SPTA1: variants seen among roughly 807,000 people sequenced by gnomAD.
SPTA1 encodes the protein spectrin alpha chain, erythrocytic 1.
Under a neutral mutation model 324.7 loss-of-function variants are expected in SPTA1, and 177 were observed. The ratio of observed to expected loss-of-function variants is 0.55; its 90% CI spans 0.48 to 0.62. The LOEUF (loss-of-function observed/expected upper bound fraction) is 0.62, where lower values mean the gene tolerates loss of function less well. Among genes scored for constraint, SPTA1 ranks in the 20% least tolerant of loss-of-function variants. The pLI is 0.00. For missense variants in SPTA1, 3,162 were observed against 2,883.6 expected, an observed-to-expected ratio of 1.10 and a Z score of -2.21; for synonymous variants, 1,195 against 1,041.3, an observed-to-expected ratio of 1.15 and a Z score of -2.84.
In SPTA1 at chr1:158,677,733, C is replaced by T. The variant is rs1374818985; in HGVS notation, c.914G>A (p.Ser305Asn). The change falls in exon 7 of 52, where the codon AGT (serine) becomes AAT (asparagine). Residue 305 changes from serine to asparagine, a missense_variant. Physicochemically the swap from Ser to Asn is conservative, Grantham distance 46 (BLOSUM62 1). Transcript: ENST00000643759. ...DLVASEGLFHSHKGLERNLAV... is the reference protein window; with the variant it reads ...DLVASEGLFHNHKGLERNLAV... ...AAGATTTCTCTCAAGTCCCTTGTGACTGTGAAACAGTCCTTCAGAGGCAAC... is the reference window on the plus strand; with the variant it reads ...AAGATTTCTCTCAAGTCCCTTGTGATTGTGAAACAGTCCTTCAGAGGCAAC... The T allele has an allele frequency of 6.2e-7, 1 of 1,613,666 alleles. No individual in the cohort carries two copies. The highest frequency in any genetic ancestry group is 8.5e-7 in the Non-Finnish European group (1 of 1,179,758).
Position 158,669,071 on chromosome 1 carries a change from C to T in SPTA1, c.1833+337G>A, listed in dbSNP as rs1034700713. ...TTAGACACAACATTTACCTACTATACGGATGCAGAGGGGAGCAGAAAAGGT... is the reference window on the plus strand; with the variant it reads ...TTAGACACAACATTTACCTACTATATGGATGCAGAGGGGAGCAGAAAAGGT... On this transcript the variant is annotated intron_variant, in intron 14 of 51. Transcript: ENST00000643759. Among the ~76,000 whole-genome samples, 14 of 152,088 alleles carry T rather than the reference C, an allele frequency of 9.2e-5. 1 individual carries two copies. The highest frequency in any genetic ancestry group is 4.6e-4 in the Admixed American group (7 of 15,268).
intron 8 of SPTA1, among the ~76,000 whole-genome samples, chr1:158,675,304 T>A (rs1038788473): frequency 6.6e-6 from 1 of 152,186 alleles, no homozygotes; most frequent in Non-Finnish European, 1.5e-5. Flanking sequence ...ACTGAAGTTA[T>A]TTTGATGCTC....
At chr1:158,640,394 A>G (rs1651459835) in intron 33 of SPTA1, among the ~76,000 whole-genome samples, 1 of 152,158 alleles carries the variant, frequency 6.6e-6, no homozygotes, top group Admixed American at 6.5e-5. Context: ...TCTTTGTGCA[A>G]CAATCAGAGG....
At chr1:158,671,267 T>C in intron 12 of SPTA1, 76 bp downstream of exon 12, 2 of 1,024,072 alleles carry the variant, frequency 2.0e-6, no homozygotes, top group South Asian at 2.7e-5. Flanking sequence ...GGAGCAATGC[T>C]GTCTGGGGAC....
intron 38 of SPTA1, among the ~76,000 whole-genome samples, chr1:158,635,553 A>C (rs1269794309): frequency 6.6e-6 from 1 of 152,354 alleles, no homozygotes; most frequent in East Asian, 1.9e-4. Context: ...GGGAAAAATA[A>C]TTCTTCGTCC....
At position 158,660,089 on chromosome 1, in the gene SPTA1, A is replaced by C. The variant is rs1184412747; in HGVS notation, c.2587+1198T>G. ...CAATTTGAAGATAAGATGGAATCAC[A>C]ATAAATACAAAATTGATCTAAAGGA... On this transcript the variant is annotated intron_variant, in intron 18 of 51. Coordinates refer to ENST00000643759, the MANE Select transcript of SPTA1 (RefSeq NM_003126.4). Among the ~76,000 whole-genome samples the C allele has an allele frequency of 5.3e-5, 8 of 152,216 alleles. No individual in the cohort carries two copies. In the East Asian group the frequency reaches 1.3e-3, roughly 26 times the overall value.
chr1:158,671,632 T>G (rs1359147920), intron 11 of SPTA1, among the ~76,000 whole-genome samples, 179 bp from the exon 12 acceptor site: 6 of 152,162 alleles, frequency 3.9e-5, no homozygotes, highest in Admixed American at 3.3e-4. Context: ...TTCCTGATAC[T>G]CTCATACAAT....
At chr1:158,640,056 C>T (rs756011174) in intron 33 of SPTA1, 49 bp from the exon 34 acceptor site, 1 of 1,613,200 alleles carries the variant, frequency 6.2e-7, no homozygotes, top group South Asian at 1.1e-5. Context: ...GATCCCGGGC[C>T]CTGTGACTAC....
intron 37 of SPTA1, 69 bp downstream of exon 37, chr1:158,636,568 CTTAT>C: frequency 6.4e-7 from 1 of 1,562,314 alleles, no homozygotes; most frequent in Non-Finnish European, 8.8e-7. Flanking sequence ...GTAGCACCCT[CTTAT>C]TTATCTGTAA....
At chr1:158,670,976 A>G (rs1653980463) in intron 12 of SPTA1, among the ~76,000 whole-genome samples, 1 of 151,946 alleles carries the variant, frequency 6.6e-6, no homozygotes, top group Non-Finnish European at 1.5e-5. Context: ...ACAAAACCAT[A>G]CACTTCATCA....
At chr1:158,642,366 C>A in intron 33 of SPTA1, 45 bp downstream of exon 33, 1 of 1,589,410 alleles carries the variant, frequency 6.3e-7, no homozygotes, top group South Asian at 1.2e-5. Flanking sequence ...GTAAATGATT[C>A]CTCTTCATGT....
chr1:158,667,806 G>A (rs1357408636), intron 15 of SPTA1, 52 bp downstream of exon 15: 1 of 1,575,668 alleles, frequency 6.3e-7, no homozygotes, highest in Non-Finnish European at 8.7e-7. Context: ...GATAAAGGTA[G>A]TAGATTTCAG....
chr1:158,671,985 C>A (rs1654055281), intron 11 of SPTA1, 74 bp downstream of exon 11: 1 of 1,587,820 alleles, frequency 6.3e-7, no homozygotes, highest in Non-Finnish European at 8.6e-7. Context: ...TGTGAGGGAA[C>A]TCATGGTAGT....
intron 29 of SPTA1, among the ~76,000 whole-genome samples, chr1:158,644,654 G>A (rs1284473168): frequency 6.6e-6 from 1 of 152,092 alleles, no homozygotes; most frequent in Admixed American, 6.5e-5. Flanking sequence ...ATACTGGCTG[G>A]TCATTTCCTT....
At position 158,674,238 on chromosome 1, in the gene SPTA1, T is replaced by C. The variant is rs1002361189; in HGVS notation, c.1350+91A>G. 6.2e-6 allele frequency: 8 copies of C among 1,296,886 alleles called. No individual in the cohort carries two copies. In the African/African-American group the frequency reaches 1.2e-4, roughly 19 times the overall value. The allele number at this position is 1,296,886 out of a possible 1,614,324, so 80.3% of individuals were successfully genotyped here. ...AACACGTTTAAATGACTTCTATTCTTTTCCCATTTAGAGATTATCATATTA... is the reference window on the plus strand; with the variant it reads ...AACACGTTTAAATGACTTCTATTCTCTTCCCATTTAGAGATTATCATATTA... On this transcript the variant is annotated intron_variant, in intron 10 of 51. Transcript: ENST00000643759.
chr1:158,618,304 G>A (rs1032519968), intron 45 of SPTA1, among the ~76,000 whole-genome samples: 3 of 152,144 alleles, frequency 2.0e-5, no homozygotes, highest in South Asian at 2.1e-4. Context: ...GCTTGGTGTT[G>A]GACACACATT....
chr1:158,638,290 C>A (rs1470203462), intron 35 of SPTA1, 49 bp from the exon 36 acceptor site: 1 of 1,565,060 alleles, frequency 6.4e-7, no homozygotes, highest in Admixed American at 1.7e-5. Flanking sequence ...AGGCATTACT[C>A]AGATCCCACA....
chr1:158,666,751 C>T (rs1009050261), intron 15 of SPTA1, among the ~76,000 whole-genome samples: 4 of 152,120 alleles, frequency 2.6e-5, no homozygotes, highest in Admixed American at 6.5e-5. Context: ...TATAGTTCTG[C>T]TGTGTCAGAT....
chr1:158,672,006 A>C, intron 11 of SPTA1, 53 bp downstream of exon 11: 1 of 1,610,252 alleles, frequency 6.2e-7, no homozygotes, highest in Non-Finnish European at 8.5e-7. Flanking sequence ...CATGGTGGCA[A>C]ATGAAGGGTG....
Sources: gnomAD v4.1 joint callset for allele counts (sites outside exome capture counted in the v4.1 genomes callset) on GRCh38, gnomAD v4.1.1 for gene constraint, MANE v1.5 for transcripts, NCBI Gene and HGNC (gene_info 2026-07-23, HGNC 2026-07-21) for gene names.